Variants in ATRNL1 observed in about 807,000 individuals in gnomAD.
ATRNL1 encodes the protein attractin-like protein 1.
A neutral mutation model predicts 182.7 loss-of-function variants in ATRNL1; 95 were observed. The observed-to-expected ratio is 0.52, with a 90% CI of 0.44 to 0.62. The LOEUF is 0.62. Ranked by LOEUF, ATRNL1 falls within the 20% of genes least tolerant of loss-of-function variation. The probability of loss-of-function intolerance (pLI) is 0.00; values close to 1 mark genes in which losing one functional copy is unlikely to be tolerated. For missense variants in ATRNL1, 1,471 were observed against 1,679.5 expected, an observed-to-expected ratio of 0.88 and a Z score of 2.17; for synonymous variants, 576 against 568.3, an observed-to-expected ratio of 1.01 and a Z score of -0.19.
intron 21 of ATRNL1, among the ~76,000 whole-genome samples, chr10:115,445,579 A>T (rs1592669311): frequency 7.8e-6 from 1 of 128,632 alleles, no homozygotes; most frequent in Admixed American, 8.3e-5. Context: ...ACATGCCTGG[A>T]TGTCTGTAAT....
chr10:115,728,298 CAAAAAAAAA>C (rs58437496), intron 27 of ATRNL1, among the ~76,000 whole-genome samples: 1 of 58,776 alleles, frequency 1.7e-5, no homozygotes, highest in South Asian at 9.5e-4. Flanking sequence ...GACTCCGCCT[CAAAAAAAAA>C]AAAAAAAAAA....
chr10:115,423,228 C>G (rs1845725283), intron 20 of ATRNL1, among the ~76,000 whole-genome samples: 1 of 151,880 alleles, frequency 6.6e-6, no homozygotes, highest in Non-Finnish European at 1.5e-5. Flanking sequence ...TACTATGTAC[C>G]CATAAACATT....
At chr10:115,255,665 C>G (rs1417779241) in intron 10 of ATRNL1, among the ~76,000 whole-genome samples, 1 of 152,118 alleles carries the variant, frequency 6.6e-6, no homozygotes, top group Non-Finnish European at 1.5e-5. Context: ...CCAGAACTTG[C>G]AACACTATGT....
chr10:115,900,449 A>G (rs1952321846), intron 28 of ATRNL1, among the ~76,000 whole-genome samples: 1 of 152,246 alleles, frequency 6.6e-6, no homozygotes, highest in Admixed American at 6.5e-5. Context: ...AAAAAATTAG[A>G]AGATAAGCTA....
chr10:115,944,939 G>A lies in ATRNL1; in HGVS notation c.*160G>A. 6 of 774,510 alleles carry A rather than the reference G, an allele frequency of 7.7e-6. No individual in the cohort carries two copies. The highest frequency in any genetic ancestry group is 1.1e-5 in the Non-Finnish European group (6 of 543,462). The allele number at this position is 774,510 out of a possible 1,614,324, so 48.0% of individuals were successfully genotyped here. On this transcript the variant is annotated 3_prime_UTR_variant, in exon 29 of 29. Transcript: ENST00000355044. ...ACAATGACCCAGGTGGCCAAAGAAT[G>A]TTCATGAGTTTTATAAAAGTATTGA...
chr10:115,227,325 C>T (rs1007597323), intron 9 of ATRNL1, among the ~76,000 whole-genome samples: 1 of 152,060 alleles, frequency 6.6e-6, no homozygotes, highest in Non-Finnish European at 1.5e-5. Context: ...AAATGGTCAA[C>T]ATCACTAATC....
At chr10:115,713,819 A>G (rs1947163289) in intron 26 of ATRNL1, among the ~76,000 whole-genome samples, 2 of 152,246 alleles carry the variant, frequency 1.3e-5, no homozygotes, top group East Asian at 1.9e-4. Context: ...AGGACTGGCT[A>G]AGACAGAAAT....
intron 19 of ATRNL1, among the ~76,000 whole-genome samples, chr10:115,344,613 G>GA (rs2134104376): frequency 6.6e-6 from 1 of 152,288 alleles, no homozygotes; most frequent in South Asian, 2.1e-4. Context: ...ACCCCACTTG[G>GA]TGCTCCATCC....
intron 26 of ATRNL1, among the ~76,000 whole-genome samples, chr10:115,699,591 CAT>C (rs1220356801): frequency 3.9e-5 from 6 of 151,996 alleles, no homozygotes; most frequent in Admixed American, 3.9e-4. Context: ...ATGTTAGAAA[CAT>C]AAGCTGAAGT....
intron 25 of ATRNL1, among the ~76,000 whole-genome samples, chr10:115,530,231 G>C (rs1463678513): frequency 6.6e-6 from 1 of 152,092 alleles, no homozygotes; most frequent in Non-Finnish European, 1.5e-5. Context: ...TTTCTCTTAA[G>C]TATATAATTA....
chr10:115,456,588 CA>C (rs1554968774), intron 21 of ATRNL1, among the ~76,000 whole-genome samples: 3 of 152,126 alleles, frequency 2.0e-5, no homozygotes. Flanking sequence ...ACCTATGTTA[CA>C]AACCTGCACA....
rs560318012 is a variant in ATRNL1 at position 115,602,796 on chromosome 10, G to T, written c.3795+53260G>T. On this transcript the variant is annotated intron_variant, in intron 26 of 28. Transcript: ENST00000355044. ...GTGAACCCAGGAGGCGAAGTTTGCA[G>T]TGAGCAGAGATCGCGCCACTGCACT... Among the ~76,000 whole-genome samples, 18 of 151,660 alleles carry T rather than the reference G, an allele frequency of 1.2e-4. No homozygotes were observed. In the South Asian group the frequency reaches 3.7e-3, roughly 32 times the overall value.
intron 5 of ATRNL1, among the ~76,000 whole-genome samples, chr10:115,131,837 T>C (rs1311744990): frequency 6.6e-6 from 1 of 152,230 alleles, no homozygotes; most frequent in Non-Finnish European, 1.5e-5. Flanking sequence ...TGTATATTTT[T>C]TAAAAATGAG....
chr10:115,108,813 G>T (rs1844135256), intron 1 of ATRNL1, among the ~76,000 whole-genome samples: 1 of 152,118 alleles, frequency 6.6e-6, no homozygotes, highest in Non-Finnish European at 1.5e-5. Context: ...GCACTCCCAT[G>T]CCCTTGTTCT....
rs189045840 is a variant in ATRNL1, at chr10:115,534,914, T to C, written c.3717-14544T>C. On this transcript the variant is annotated intron_variant, in intron 25 of 28. Transcript: ENST00000355044. ...ATTCTGGGTTGAAAATTCTTTTCTT[T>C]AAGAATGTTGTCCTATTGGCCCCCA... Among the ~76,000 whole-genome samples, 7 of 152,346 alleles carry C rather than the reference T, an allele frequency of 4.6e-5. No individual in the cohort carries two copies. The East Asian group carries it at 1.2e-3, about 25-fold the overall frequency.
chr10:115,605,602 G>T (rs1169800792), intron 26 of ATRNL1, among the ~76,000 whole-genome samples: 2 of 151,888 alleles, frequency 1.3e-5, no homozygotes, highest in African/African-American at 4.8e-5. Flanking sequence ...TTTACAGCAG[G>T]TTTATTGGGA....
chr10:115,259,028 G>A (rs1554907926), intron 10 of ATRNL1, among the ~76,000 whole-genome samples: 4 of 152,110 alleles, frequency 2.6e-5, no homozygotes, highest in Non-Finnish European at 4.4e-5. Context: ...ATGAGGTGTC[G>A]GTCAGCCCCT....
intron 26 of ATRNL1, among the ~76,000 whole-genome samples, chr10:115,715,622 A>G (rs967418453): frequency 6.6e-6 from 1 of 152,232 alleles, no homozygotes; most frequent in Non-Finnish European, 1.5e-5. Context: ...GACAACTAAC[A>G]CATTGGAAGT....
At chr10:115,243,672 T>C (rs1850515153) in intron 10 of ATRNL1, among the ~76,000 whole-genome samples, 1 of 152,128 alleles carries the variant, frequency 6.6e-6, no homozygotes, top group Non-Finnish European at 1.5e-5. Context: ...TTCTTAGTAA[T>C]GCTTGTTTCT....
Sources: allele counts gnomAD v4.1 joint callset (sites outside exome capture counted in the v4.1 genomes callset), GRCh38; gene constraint gnomAD v4.1.1; transcripts MANE v1.5; gene names NCBI Gene and HGNC (gene_info 2026-07-23, HGNC 2026-07-21).